Variants in BTC observed in about 807,000 individuals in gnomAD.
The protein encoded by BTC is betacellulin, also known as probetacellulin.
In BTC, 13 loss-of-function variants were observed where a neutral mutation model predicts 18.1. That is an observed-to-expected ratio of 0.72 (90% CI 0.47 to 1.14). BTC has a LOEUF of 1.14. BTC is among the 50% of genes most tolerant of loss of function. BTC has a pLI of 0.00. For synonymous variants in BTC, 83 were observed against 79.4 expected (o/e 1.05, Z -0.24); for missense variants, 247 against 224.2 (o/e 1.10, Z -0.65).
chr4:74,751,667 T>C (rs899117729), intron 3 of BTC, among the ~76,000 whole-genome samples: 1 of 152,228 alleles, frequency 6.6e-6, no homozygotes, highest in African/African-American at 2.4e-5. Flanking sequence ...CTGAGTAACA[T>C]CCAGGGAGCT....
intron 1 of BTC, among the ~76,000 whole-genome samples, chr4:74,774,113 G>A (rs1287649275): frequency 6.6e-6 from 1 of 152,174 alleles, no homozygotes; most frequent in Non-Finnish European, 1.5e-5. Flanking sequence ...GTGTAAGCAA[G>A]ATAACAATCA....
At chr4:74,789,317 A>G (rs1247292263) in intron 1 of BTC, among the ~76,000 whole-genome samples, 1 of 152,222 alleles carries the variant, frequency 6.6e-6, no homozygotes, top group African/African-American at 2.4e-5. Flanking sequence ...TACAAACTCT[A>G]ACACTCCAAT....
chr4:74,791,206 G>A (rs868364077), intron 1 of BTC, among the ~76,000 whole-genome samples: 6 of 152,148 alleles, frequency 3.9e-5, no homozygotes, highest in African/African-American at 1.4e-4. Flanking sequence ...GCTGGGCGTG[G>A]TGGCGAGTGC....
intron 3 of BTC, among the ~76,000 whole-genome samples, chr4:74,755,154 T>C (rs937888979): frequency 1.3e-5 from 2 of 152,170 alleles, no homozygotes; most frequent in Admixed American, 6.6e-5. Context: ...AAAACTTATA[T>C]ACTGGGGCAA....
At position 74,748,093 on chromosome 4, in the gene BTC, C is replaced by T. The variant is rs1724338342; in HGVS notation, c.485G>A (p.Gly162Asp). 2 of 1,610,708 alleles carry T rather than the reference C, an allele frequency of 1.2e-6. No individual in the cohort carries two copies. Among genetic ancestry groups the T allele is most frequent in the South Asian group, 1.1e-5 (1 of 90,918 alleles). ...TTCATTGATAGGAGTTATATCTTTA[C>T]CCAGAGTTTCCATTTCTTCTTCTTT... Reference protein sequence around the residue: ...KKKEEEMETLGKDITPINEDI... With the variant: ...KKKEEEMETLDKDITPINEDI... The change falls in exon 5 of 6, where the codon GGT becomes GAT. Residue 162 changes from glycine to aspartate, a missense_variant. Gly to Asp is a moderately conservative substitution (Grantham distance 94). Transcript: ENST00000395743.
At chr4:74,781,529 A>T (rs1401563584) in intron 1 of BTC, among the ~76,000 whole-genome samples, 1 of 151,918 alleles carries the variant, frequency 6.6e-6, no homozygotes, top group South Asian at 2.1e-4. Flanking sequence ...TCACATCCAC[A>T]TTAGAGTATT....
chr4:74,749,627 T>C (rs1553955897), intron 4 of BTC, among the ~76,000 whole-genome samples: 1 of 150,594 alleles, frequency 6.6e-6, no homozygotes, highest in Non-Finnish European at 1.5e-5. Flanking sequence ...TGCAAGAGTT[T>C]AGGAATCTGG....
chr4:74,788,760 T>C (rs1213119035), intron 1 of BTC, among the ~76,000 whole-genome samples: 1 of 152,234 alleles, frequency 6.6e-6, no homozygotes, highest in Non-Finnish European at 1.5e-5. Flanking sequence ...GTTTTGCTAA[T>C]TGCGATAGTC....
chr4:74,785,008 TCTTC>T (rs1725442557), intron 1 of BTC, among the ~76,000 whole-genome samples: 1 of 152,202 alleles, frequency 6.6e-6, no homozygotes, highest in Admixed American at 6.5e-5. Flanking sequence ...TGGTACCAAG[TCTTC>T]TTTGTACCTC....
chr4:74,771,470 T>A (rs2109901724), intron 1 of BTC, among the ~76,000 whole-genome samples: 2 of 152,296 alleles, frequency 1.3e-5, no homozygotes, highest in Middle Eastern at 3.4e-3. Flanking sequence ...GTGAATAGGA[T>A]GTGCTAGATC....
At chr4:74,781,005 G>A (rs1467871904) in intron 1 of BTC, among the ~76,000 whole-genome samples, 1 of 151,520 alleles carries the variant, frequency 6.6e-6, no homozygotes, top group Admixed American at 6.6e-5. Context: ...CAAAAACCTT[G>A]CCAAAGTGCA....
At chr4:74,767,744 G>C (rs1724938860) in intron 2 of BTC, among the ~76,000 whole-genome samples, 1 of 151,992 alleles carries the variant, frequency 6.6e-6, no homozygotes, top group South Asian at 2.1e-4. Context: ...ATGAATATAT[G>C]AACAACTGAT....
chr4:74,744,951 G>C lies in BTC; in HGVS notation c.*1726C>G, dbSNP rs1055708321. ...GATATTTTAGGATCAAAACAAAATGGCTTGAGAGATTTTGTTGGTCAGCCA... is the reference window on the plus strand; with the variant it reads ...GATATTTTAGGATCAAAACAAAATGCCTTGAGAGATTTTGTTGGTCAGCCA... On this transcript the variant is annotated 3_prime_UTR_variant, in exon 6 of 6. Coordinates refer to ENST00000395743, the MANE Select transcript of BTC (RefSeq NM_001729.4). The C allele has an allele frequency of 6.6e-6, 1 of 152,148 alleles. No individual in the cohort carries two copies. The highest frequency in any genetic ancestry group is 1.5e-5 in the Non-Finnish European group (1 of 68,010). 9.4% of individuals were successfully genotyped at this position (152,148 alleles called of 1,614,324 possible).
At chr4:74,755,715 C>G in intron 3 of BTC, 144 bp downstream of exon 3, 1 of 726,928 alleles carries the variant, frequency 1.4e-6, no homozygotes, top group South Asian at 1.7e-5. Context: ...TGAGTGGGCC[C>G]CTAAACAAGT....
intron 4 of BTC, 89 bp from the exon 5 acceptor site, chr4:74,748,238 C>G (rs1724343703): frequency 1.2e-6 from 1 of 831,636 alleles, no homozygotes; most frequent in Non-Finnish European, 1.9e-6. Flanking sequence ...GATCAGGTTT[C>G]TTTTTTTAAA....
Position 74,790,980 on chromosome 4 carries a change from T to C in BTC, c.64+3282A>G, listed in dbSNP as rs114274999. 5.9e-3 allele frequency among the ~76,000 whole-genome samples: 898 copies of C among 152,294 alleles called. 4 individuals carry two copies. The highest frequency in any genetic ancestry group is 0.024 in the Middle Eastern group (7 of 294). On this transcript the variant is annotated intron_variant, in intron 1 of 5. Transcript: ENST00000395743. ...TTTAAATAAGTCAAAAGAAATGGTT[T>C]CCAGTATTGGTTTTTCCTGTTATAT...
In BTC at chr4:74,791,348, A is replaced by AAAAAAG. The variant is rs137875155; in HGVS notation, c.64+2908_64+2913dup. On this transcript the variant is annotated intron_variant, in intron 1 of 5. Transcript: ENST00000395743. ...AAGAGTGAGACTGTCTCAAAAAAAGAAAAAAGAAAAAGAAAAAGAAAAAGA... is the reference window on the plus strand; with the variant it reads ...AAGAGTGAGACTGTCTCAAAAAAAGAAAAAAGAAAAAGAAAAAGAAAAAGAAAAAGA... Among the ~76,000 whole-genome samples the AAAAAAG allele has an allele frequency of 8.6e-5, 13 of 151,646 alleles. 1 individual carries two copies. Among genetic ancestry groups the AAAAAAG allele is most frequent in the African/African-American group, 2.4e-4 (10 of 41,114 alleles).
chr4:74,748,398 T>C (rs1196972376), intron 4 of BTC, among the ~76,000 whole-genome samples: 8 of 152,000 alleles, frequency 5.3e-5, no homozygotes, highest in Admixed American at 1.3e-4. Flanking sequence ...TGGCCGGACG[T>C]GGTGGTGGGC....
At chr4:74,782,525 C>T (rs1444122022) in intron 1 of BTC, among the ~76,000 whole-genome samples, 4 of 152,064 alleles carry the variant, frequency 2.6e-5, no homozygotes, top group Admixed American at 1.3e-4. Flanking sequence ...AGGCTGATTC[C>T]GTATATTTGC....
Sources: gnomAD v4.1 joint callset for allele counts (sites outside exome capture counted in the v4.1 genomes callset) on GRCh38, gnomAD v4.1.1 for gene constraint, MANE v1.5 for transcripts, NCBI Gene and HGNC (gene_info 2026-07-23, HGNC 2026-07-21) for gene names.